Variants in HS6ST3 observed in about 807,000 individuals in gnomAD.
HS6ST3 encodes heparan-sulfate 6-O-sulfotransferase 3.
HS6ST3 carries 12 observed loss-of-function variants against 36.7 expected under a neutral mutation model. The ratio of observed to expected loss-of-function variants is 0.33; its 90% CI spans 0.21 to 0.53. The LOEUF is 0.53. Ranked by LOEUF, HS6ST3 falls within the 20% of genes least tolerant of loss-of-function variation. The pLI, the probability that HS6ST3 is intolerant of heterozygous loss-of-function variation, is 0.95. For synonymous variants in HS6ST3, 240 were observed against 257.5 expected, an observed-to-expected ratio of 0.93 and a Z score of 0.65; for missense variants, 584 against 640.9, an observed-to-expected ratio of 0.91 and a Z score of 0.96.
chr13:96,590,993 T>G (rs1485972838), intron 1 of HS6ST3, among the ~76,000 whole-genome samples: 1 of 152,066 alleles, frequency 6.6e-6, no homozygotes, highest in Non-Finnish European at 1.5e-5. Flanking sequence ...AAAAATGAGT[T>G]TGCTGTAGGT....
chr13:96,265,830 T>G (rs2054689401), intron 1 of HS6ST3, among the ~76,000 whole-genome samples: 1 of 152,172 alleles, frequency 6.6e-6, no homozygotes, highest in Non-Finnish European at 1.5e-5. Flanking sequence ...AATTCCATGG[T>G]TACTCAAGAT....
chr13:96,674,571 A>G (rs1008137256), intron 1 of HS6ST3, among the ~76,000 whole-genome samples: 81 of 151,806 alleles, frequency 5.3e-4, no homozygotes, highest in African/African-American at 1.9e-3. Flanking sequence ...TCATGAGCCG[A>G]CTCTCACATC....
chr13:96,197,833 G>A (rs575816529), intron 1 of HS6ST3, among the ~76,000 whole-genome samples: 3 of 152,184 alleles, frequency 2.0e-5, no homozygotes, highest in East Asian at 1.9e-4. Context: ...TTCCAGGTGC[G>A]TGGTGGATCT....
intron 1 of HS6ST3, among the ~76,000 whole-genome samples, chr13:96,315,589 A>C (rs1262583619): frequency 1.3e-5 from 2 of 152,050 alleles, no homozygotes; most frequent in African/African-American, 4.8e-5. Flanking sequence ...TTAAATCTTT[A>C]TATAATACAG....
chr13:96,556,554 C>T (rs1209114851), intron 1 of HS6ST3, among the ~76,000 whole-genome samples: 1 of 152,056 alleles, frequency 6.6e-6, no homozygotes, highest in Non-Finnish European at 1.5e-5. Flanking sequence ...GGCCAGAACT[C>T]ATGATGTTTA....
At chr13:96,396,849 T>C (rs527246917) in intron 1 of HS6ST3, among the ~76,000 whole-genome samples, 4 of 152,224 alleles carry the variant, frequency 2.6e-5, no homozygotes, top group Admixed American at 2.0e-4. Context: ...AACAAGTGCA[T>C]GGCAAAGGTA....
intron 1 of HS6ST3, among the ~76,000 whole-genome samples, chr13:96,146,798 T>A (rs2054060351): frequency 6.6e-6 from 1 of 152,196 alleles, no homozygotes; most frequent in Admixed American, 6.5e-5. Flanking sequence ...TTCTTTAAAG[T>A]TATTTAAAGA....
At chr13:96,452,815 T>C (rs1008069560) in intron 1 of HS6ST3, among the ~76,000 whole-genome samples, 19 of 151,996 alleles carry the variant, frequency 1.3e-4, no homozygotes, top group Non-Finnish European at 2.2e-4. Context: ...GTTTTTTATT[T>C]CCCCCCCAGG....
chr13:96,331,479 C>T (rs1269705025), intron 1 of HS6ST3, among the ~76,000 whole-genome samples: 1 of 152,210 alleles, frequency 6.6e-6, no homozygotes, highest in Non-Finnish European at 1.5e-5. Flanking sequence ...GGATGCCTCC[C>T]AGTTAGGCTG....
chr13:96,194,172 T>C (rs1382894579), intron 1 of HS6ST3, among the ~76,000 whole-genome samples: 1 of 152,190 alleles, frequency 6.6e-6, no homozygotes, highest in Non-Finnish European at 1.5e-5. Flanking sequence ...TTTTCTGGCA[T>C]CCTCATTTCA....
intron 1 of HS6ST3, among the ~76,000 whole-genome samples, chr13:96,571,343 A>T (rs530060834): frequency 7.9e-5 from 12 of 152,310 alleles, no homozygotes; most frequent in African/African-American, 2.6e-4. Context: ...AAAAGGCTAC[A>T]TTTCACTGCT....
chr13:96,717,202 T>C (rs1408225030), intron 1 of HS6ST3, among the ~76,000 whole-genome samples: 1 of 152,194 alleles, frequency 6.6e-6, no homozygotes, highest in Non-Finnish European at 1.5e-5. Flanking sequence ...AGTATAGTTT[T>C]ATAGAGTAGG....
intron 1 of HS6ST3, among the ~76,000 whole-genome samples, chr13:96,611,377 T>G (rs2056456797): frequency 6.6e-6 from 1 of 152,104 alleles, no homozygotes; most frequent in African/African-American, 2.4e-5. Flanking sequence ...AGTAGTAGTT[T>G]TTATATCAAA....
intron 1 of HS6ST3, among the ~76,000 whole-genome samples, chr13:96,352,355 G>A (rs1166770147): frequency 6.6e-6 from 1 of 152,164 alleles, no homozygotes; most frequent in African/African-American, 2.4e-5. Context: ...ATGTGAACTG[G>A]AAGATTCACT....
chr13:96,160,649 G>C (rs2054131423), intron 1 of HS6ST3, among the ~76,000 whole-genome samples: 1 of 152,188 alleles, frequency 6.6e-6, no homozygotes, highest in Admixed American at 6.5e-5. Context: ...ATTAGAAAAT[G>C]AGAATAACAA....
chr13:96,548,535 T>G (rs2056206178), intron 1 of HS6ST3, among the ~76,000 whole-genome samples: 1 of 152,224 alleles, frequency 6.6e-6, no homozygotes, highest in African/African-American at 2.4e-5. Flanking sequence ...GAAACAGAAC[T>G]AATAGGAGGT....
At chr13:96,816,708 C>A (rs139979615) in intron 1 of HS6ST3, among the ~76,000 whole-genome samples, 1 of 152,170 alleles carries the variant, frequency 6.6e-6, no homozygotes, top group Non-Finnish European at 1.5e-5. Flanking sequence ...CAGACCTATG[C>A]TCAACTTTCC....
intron 1 of HS6ST3, among the ~76,000 whole-genome samples, chr13:96,570,246 G>T (rs781579834): frequency 7.9e-5 from 12 of 152,114 alleles, no homozygotes; most frequent in Non-Finnish European, 1.3e-4. Context: ...AAATGTTATA[G>T]TCTTAATTTG....
chr13:96,796,719 C>T (rs1007402937), intron 1 of HS6ST3, among the ~76,000 whole-genome samples: 1 of 151,954 alleles, frequency 6.6e-6, no homozygotes. Flanking sequence ...GATTAGGGTA[C>T]GTGAAAGTAC....
Sources: gnomAD v4.1 joint callset for allele counts (sites outside exome capture counted in the v4.1 genomes callset) on GRCh38, gnomAD v4.1.1 for gene constraint, MANE v1.5 for transcripts, NCBI Gene and HGNC (gene_info 2026-07-23, HGNC 2026-07-21) for gene names.